Variants in GRID1 observed in about 807,000 individuals in gnomAD.
The protein encoded by GRID1 is glutamate receptor ionotropic, delta-1.
A neutral mutation model predicts 98.0 loss-of-function variants in GRID1; 28 were observed. That is an observed-to-expected ratio of 0.29 (90% CI 0.21 to 0.39). The LOEUF is 0.39. Among genes scored for constraint, GRID1 ranks in the 10% least tolerant of loss-of-function variants. The pLI is 1.00. For synonymous variants in GRID1, 553 were observed against 538.5 expected, an observed-to-expected ratio of 1.03 and a Z score of -0.37; for missense variants, 1,111 against 1,340.5, an observed-to-expected ratio of 0.83 and a Z score of 2.67.
At chr10:85,969,427 G>A (rs1399214962) in intron 4 of GRID1, among the ~76,000 whole-genome samples, 7 of 152,116 alleles carry the variant, frequency 4.6e-5, no homozygotes, top group Non-Finnish European at 2.9e-5. Context: ...GGATAGGACA[G>A]ACTATGTGCT....
chr10:86,156,919 G>A (rs1171567532), intron 3 of GRID1, among the ~76,000 whole-genome samples: 2 of 152,194 alleles, frequency 1.3e-5, no homozygotes, highest in Non-Finnish European at 2.9e-5. Flanking sequence ...CAACAGACCA[G>A]GCAAGAGAGG....
In GRID1 at chr10:86,177,367, G is replaced by GGA. The variant is rs148582946; in HGVS notation, c.520+28995_520+28996dup. ...CTTACTTCTCTGGAGGCTTCAGGCA[G>GGA]GAGAGAGAGAGAGAGAGACAGAGAG... On this transcript the variant is annotated intron_variant, in intron 3 of 15. Transcript: ENST00000327946. Among the ~76,000 whole-genome samples, 129 of 151,454 alleles carry GGA rather than the reference G, an allele frequency of 8.5e-4. No individual in the cohort carries two copies. In the East Asian group the frequency reaches 0.013, roughly 15 times the overall value.
chr10:86,267,564 C>T (rs1395509941), intron 2 of GRID1, among the ~76,000 whole-genome samples: 1 of 152,228 alleles, frequency 6.6e-6, no homozygotes, highest in East Asian at 1.9e-4. Flanking sequence ...AGCCTAGAGC[C>T]ACCCAGGCTG....
At chr10:86,078,440 C>G (rs938295484) in intron 4 of GRID1, among the ~76,000 whole-genome samples, 1 of 152,216 alleles carries the variant, frequency 6.6e-6, no homozygotes, top group Non-Finnish European at 1.5e-5. Context: ...GTGGGTGGAA[C>G]GGGTGCTCCG....
chr10:85,936,583 A>G (rs1402015081), intron 4 of GRID1, among the ~76,000 whole-genome samples: 1 of 151,998 alleles, frequency 6.6e-6, no homozygotes, highest in Non-Finnish European at 1.5e-5. Context: ...ATTCTTCCTT[A>G]TAGTAAGCAT....
At chr10:85,960,586 T>C (rs1043437188) in intron 4 of GRID1, among the ~76,000 whole-genome samples, 4 of 152,224 alleles carry the variant, frequency 2.6e-5, no homozygotes, top group African/African-American at 9.6e-5. Context: ...GAGAGCACTA[T>C]ACATTTCCAC....
At chr10:86,262,367 G>A (rs931596770) in intron 2 of GRID1, among the ~76,000 whole-genome samples, 4 of 152,192 alleles carry the variant, frequency 2.6e-5, no homozygotes, top group Non-Finnish European at 5.9e-5. Flanking sequence ...CAGACCTTGG[G>A]CACCCAGGAA....
At chr10:86,099,793 G>A (rs1254211729) in intron 4 of GRID1, among the ~76,000 whole-genome samples, 2 of 152,160 alleles carry the variant, frequency 1.3e-5, no homozygotes, top group African/African-American at 4.8e-5. Context: ...TCTGCAGACA[G>A]CAGCTTCTCT....
chr10:85,930,621 T>C (rs774388880), intron 4 of GRID1, among the ~76,000 whole-genome samples: 93 of 151,692 alleles, frequency 6.1e-4, no homozygotes, highest in Non-Finnish European at 8.5e-4. Flanking sequence ...TTTATCTTGT[T>C]TTGGTATTTT....
chr10:85,820,015 AAGGAAGGAAGGAAGGCAGGC>A lies in GRID1; in HGVS notation c.1233+34461_1233+34480del, dbSNP rs1347597287. Among the ~76,000 whole-genome samples, 900 of 122,488 alleles carry A rather than the reference AAGGAAGGAAGGAAGGCAGGC, an allele frequency of 7.3e-3. 17 individuals carry two copies. The highest frequency in any genetic ancestry group is 0.033 in the African/African-American group (838 of 25,602). The allele number at this position is 122,488 out of a possible 152,430, so 80.4% of individuals were successfully genotyped here. On this transcript the variant is annotated intron_variant, in intron 8 of 15. Coordinates refer to ENST00000327946, the MANE Select transcript of GRID1 (RefSeq NM_017551.3). ...GAAGGAAGGAAGGAAGGAAGGAAGG[AAGGAAGGAAGGAAGGCAGGC>A]AGGCAGGCAGGCAGGCAGGCAGGCA...
chr10:86,237,317 G>A (rs78197110), intron 2 of GRID1, among the ~76,000 whole-genome samples: 11,536 of 152,200 alleles, frequency 0.076, 615 homozygotes, highest in South Asian at 0.14. Context: ...GGGGGGCCTG[G>A]TGGGAGGTGA....
chr10:85,893,079 C>T (rs1455638485), intron 5 of GRID1, among the ~76,000 whole-genome samples: 1 of 152,026 alleles, frequency 6.6e-6, no homozygotes, highest in Non-Finnish European at 1.5e-5. Context: ...GTTGGTTTTA[C>T]ACTTGAAAGT....
chr10:85,656,232 A>G lies in GRID1; in HGVS notation c.1998-8835T>C, dbSNP rs117291389. 3.6e-3 allele frequency among the ~76,000 whole-genome samples: 553 copies of G among 152,310 alleles called. 1 individual carries two copies. Among genetic ancestry groups the G allele is most frequent in the Non-Finnish European group, 6.6e-3 (448 of 68,020 alleles). Reference sequence around the variant, plus strand: ...CTCCAACCAGTAGCATTTGACAGGTAGCACTCTCCTAGATGCCCTTCCTTC... The same window carrying G: ...CTCCAACCAGTAGCATTTGACAGGTGGCACTCTCCTAGATGCCCTTCCTTC... On this transcript the variant is annotated intron_variant, in intron 12 of 15. Coordinates refer to ENST00000327946, the MANE Select transcript of GRID1 (RefSeq NM_017551.3).
chr10:85,707,473 G>A (rs970876210), intron 12 of GRID1, among the ~76,000 whole-genome samples: 1 of 152,192 alleles, frequency 6.6e-6, no homozygotes, highest in Non-Finnish European at 1.5e-5. Flanking sequence ...ACAGGTGCTG[G>A]AGAGGATGTG....
At chr10:85,990,857 A>G (rs1207403419) in intron 4 of GRID1, among the ~76,000 whole-genome samples, 1 of 151,584 alleles carries the variant, frequency 6.6e-6, no homozygotes, top group Non-Finnish European at 1.5e-5. Context: ...GAATAAAAAT[A>G]TAAAGACTTT....
chr10:86,239,487 T>C (rs764544040), intron 2 of GRID1, among the ~76,000 whole-genome samples: 3 of 152,200 alleles, frequency 2.0e-5, no homozygotes, highest in Non-Finnish European at 2.9e-5. Flanking sequence ...TGATAAAAAA[T>C]GAGACTTGGG....
intron 2 of GRID1, among the ~76,000 whole-genome samples, chr10:86,232,944 T>TA (rs112103862): frequency 4.8e-4 from 73 of 152,234 alleles, no homozygotes; most frequent in African/African-American, 1.6e-3. Context: ...GCTCCTCTAA[T>TA]AAAAAAATCA....
At chr10:86,285,425 A>G (rs1379478716) in intron 2 of GRID1, among the ~76,000 whole-genome samples, 1 of 152,218 alleles carries the variant, frequency 6.6e-6, no homozygotes, top group Non-Finnish European at 1.5e-5. Flanking sequence ...GCAGCCAGGG[A>G]GACTCCAGCC....
intron 8 of GRID1, among the ~76,000 whole-genome samples, chr10:85,754,640 T>C (rs553078616): frequency 3.3e-5 from 5 of 152,312 alleles, no homozygotes; most frequent in South Asian, 2.1e-4. Flanking sequence ...AAAGAGAGCA[T>C]ACTATGCTCA....
Sources: allele counts gnomAD v4.1 joint callset (sites outside exome capture counted in the v4.1 genomes callset), GRCh38; gene constraint gnomAD v4.1.1; transcripts MANE v1.5; gene names NCBI Gene and HGNC (gene_info 2026-07-23, HGNC 2026-07-21).